Variants in ASTN2 observed in about 807,000 individuals in gnomAD.
The protein encoded by ASTN2 is astrotactin-2.
Under a neutral mutation model 139.8 loss-of-function variants are expected in ASTN2, and 54 were observed. That is an observed-to-expected ratio of 0.39 (90% confidence interval 0.31 to 0.48). The LOEUF (loss-of-function observed/expected upper bound fraction) is 0.48, where lower values mean the gene tolerates loss of function less well. Among genes scored for constraint, ASTN2 ranks in the 20% least tolerant of loss-of-function variants. The pLI, the probability that ASTN2 is intolerant of heterozygous loss-of-function variation, is 0.95. For missense variants in ASTN2, 1,565 were observed against 1,725.1 expected (o/e 0.91, Z 1.64); for synonymous variants, 756 against 719.5 (o/e 1.05, Z -0.81).
intron 10 of ASTN2, among the ~76,000 whole-genome samples, chr9:116,868,292 C>T (rs1588368713): frequency 6.6e-6 from 1 of 152,104 alleles, no homozygotes; most frequent in Admixed American, 6.6e-5. Context: ...GAAACAGGGG[C>T]TTAGGGAAGT....
At chr9:117,076,722 G>A (rs1275448558) in intron 5 of ASTN2, among the ~76,000 whole-genome samples, 1 of 152,044 alleles carries the variant, frequency 6.6e-6, no homozygotes, top group Admixed American at 6.6e-5. Context: ...CTTTAATACA[G>A]GATGTAGTCA....
intron 13 of ASTN2, among the ~76,000 whole-genome samples, chr9:116,779,998 A>AT (rs1218521500): frequency 6.6e-6 from 1 of 152,122 alleles, no homozygotes; most frequent in Non-Finnish European, 1.5e-5. Flanking sequence ...AGTTTATTTG[A>AT]TTTTCATTCA....
chr9:117,178,351 T>C (rs114681368), intron 3 of ASTN2, among the ~76,000 whole-genome samples: 2,798 of 152,246 alleles, frequency 0.018, 78 homozygotes, highest in African/African-American at 0.064. Context: ...TGAGTGTCAG[T>C]GAACAGAAGG....
At chr9:117,092,777 T>G (rs1311858558) in intron 5 of ASTN2, among the ~76,000 whole-genome samples, 1 of 152,158 alleles carries the variant, frequency 6.6e-6, no homozygotes, top group Non-Finnish European at 1.5e-5. Flanking sequence ...CTGGGCAGAC[T>G]GCAGGGAACT....
chr9:116,924,727 G>T (rs946333411), intron 10 of ASTN2, among the ~76,000 whole-genome samples: 3 of 152,132 alleles, frequency 2.0e-5, no homozygotes, highest in Non-Finnish European at 4.4e-5. Flanking sequence ...GAGCAGTGAG[G>T]ATGACCAGAG....
intron 7 of ASTN2, among the ~76,000 whole-genome samples, chr9:117,006,767 C>A (rs964511081): frequency 2.0e-5 from 3 of 152,104 alleles, no homozygotes; most frequent in African/African-American, 7.2e-5. Flanking sequence ...CAGCTTTCTT[C>A]TCCTACTCCC....
intron 2 of ASTN2, among the ~76,000 whole-genome samples, chr9:117,225,404 A>G (rs1832671361): frequency 1.3e-5 from 2 of 150,278 alleles, no homozygotes; most frequent in Admixed American, 1.3e-4. Flanking sequence ...GTTTCTTCCC[A>G]CTCTTTGAGT....
chr9:117,384,658 A>G (rs996648432), intron 1 of ASTN2, among the ~76,000 whole-genome samples: 1 of 152,180 alleles, frequency 6.6e-6, no homozygotes, highest in Non-Finnish European at 1.5e-5. Context: ...TGACTGTGAC[A>G]ATCTTGAAAG....
At chr9:116,615,219 A>G (rs1855776865) in intron 19 of ASTN2, among the ~76,000 whole-genome samples, 2 of 152,106 alleles carry the variant, frequency 1.3e-5, no homozygotes, top group African/African-American at 2.4e-5. Context: ...AAAAAGTCAG[A>G]AAACAACAGG....
intron 19 of ASTN2, among the ~76,000 whole-genome samples, chr9:116,545,493 C>T (rs902708928): frequency 5.3e-5 from 8 of 152,152 alleles, no homozygotes; most frequent in African/African-American, 1.4e-4. Flanking sequence ...GGGAAACCGA[C>T]GAGATTGGGG....
At chr9:117,226,456 A>G (rs1236840327) in intron 2 of ASTN2, among the ~76,000 whole-genome samples, 1 of 152,012 alleles carries the variant, frequency 6.6e-6, no homozygotes, top group Non-Finnish European at 1.5e-5. Flanking sequence ...AATGCTCAAC[A>G]AAAGATGATT....
At chr9:116,464,552 T>A (rs551232920) in intron 20 of ASTN2, among the ~76,000 whole-genome samples, 10 of 152,186 alleles carry the variant, frequency 6.6e-5, no homozygotes, top group Non-Finnish European at 8.8e-5. Flanking sequence ...AGCAGTTATG[T>A]GGTCCATTCA....
At chr9:116,983,861 C>T (rs888897666) in intron 7 of ASTN2, among the ~76,000 whole-genome samples, 1 of 152,166 alleles carries the variant, frequency 6.6e-6, no homozygotes, top group Non-Finnish European at 1.5e-5. Flanking sequence ...TGGAATAGAT[C>T]TGGATTCATC....
At chr9:117,235,132 G>T (rs752716462) in intron 2 of ASTN2, among the ~76,000 whole-genome samples, 2 of 151,938 alleles carry the variant, frequency 1.3e-5, no homozygotes, top group African/African-American at 2.4e-5. Context: ...TACTCAGAAG[G>T]CTGAGGCAGG....
At chr9:116,938,525 C>T (rs1456860512) in intron 10 of ASTN2, among the ~76,000 whole-genome samples, 3 of 152,148 alleles carry the variant, frequency 2.0e-5, no homozygotes, top group African/African-American at 7.2e-5. Context: ...GGCAGTTTCA[C>T]AGGCCCCCTG....
intron 2 of ASTN2, among the ~76,000 whole-genome samples, chr9:117,242,449 C>T (rs1833244562): frequency 6.6e-6 from 1 of 152,148 alleles, no homozygotes; most frequent in African/African-American, 2.4e-5. Flanking sequence ...AAGGATAACA[C>T]AGAAACAGAA....
At chr9:117,099,667 AAT>A (rs1828926349) in intron 4 of ASTN2, among the ~76,000 whole-genome samples, 1 of 152,232 alleles carries the variant, frequency 6.6e-6, no homozygotes, top group Admixed American at 6.5e-5. Flanking sequence ...TTGGTGAGAA[AAT>A]GAAGGCACGT....
intron 22 of ASTN2, among the ~76,000 whole-genome samples, chr9:116,435,220 G>T (rs918979544): frequency 6.6e-6 from 1 of 152,130 alleles, no homozygotes; most frequent in Non-Finnish European, 1.5e-5. Flanking sequence ...TCCAGAATGG[G>T]GATGGCTTGT....
In ASTN2 at chr9:116,566,730, G is replaced by A. The variant is rs533756942; in HGVS notation, c.3355+51594C>T. ...ACACACTTCCTACAGGCTGTTCCTAGCCAACGACTGGGCATAGCAGGGATA... is the reference window on the plus strand; with the variant it reads ...ACACACTTCCTACAGGCTGTTCCTAACCAACGACTGGGCATAGCAGGGATA... On this transcript the variant is annotated intron_variant, in intron 19 of 22. Transcript: ENST00000313400. Among the ~76,000 whole-genome samples the A allele has an allele frequency of 6.6e-5, 10 of 152,252 alleles. No homozygotes were observed. In the East Asian group the frequency reaches 1.9e-3, roughly 29 times the overall value.
Sources: allele counts gnomAD v4.1 joint callset (sites outside exome capture counted in the v4.1 genomes callset), GRCh38; gene constraint gnomAD v4.1.1; transcripts MANE v1.5; gene names NCBI Gene and HGNC (gene_info 2026-07-23, HGNC 2026-07-21).